The following GPHN variants were observed in gnomAD, a reference collection of about 807,000 sequenced individuals.
GPHN encodes the protein gephyrin.
GPHN carries 17 observed loss-of-function variants against 95.5 expected under a neutral mutation model. The ratio of observed to expected loss-of-function variants is 0.18; its 90% CI spans 0.12 to 0.27. The LOEUF (loss-of-function observed/expected upper bound fraction) is 0.27, where lower values mean the gene tolerates loss of function less well. Ranked by LOEUF, GPHN falls within the 10% of genes least tolerant of loss-of-function variation. The pLI is 1.00. For synonymous variants in GPHN, 320 were observed against 322.5 expected (o/e 0.99, Z 0.08); for missense variants, 660 against 978.1 (o/e 0.67, Z 4.34).
chr14:66,990,601 C>T (rs919329381), intron 9 of GPHN, among the ~76,000 whole-genome samples: 1 of 152,104 alleles, frequency 6.6e-6, no homozygotes, highest in Admixed American at 6.6e-5. Context: ...CATAGGTAAT[C>T]TGGCAACTAA....
At chr14:67,464,224 AG>A in the GPHN span, among the ~76,000 whole-genome samples, 1 of 152,162 alleles carries the variant, frequency 6.6e-6, no homozygotes, top group African/African-American at 2.4e-5. Flanking sequence ...CCATATTTCC[AG>A]TCCCGCTGAC....
chr14:66,739,253 G>A (rs1432994017), intron 2 of GPHN, among the ~76,000 whole-genome samples: 2 of 128,910 alleles, frequency 1.6e-5, no homozygotes, highest in African/African-American at 6.2e-5. Flanking sequence ...GTCTCGCTCT[G>A]TCACCCAGGC....
At chr14:67,258,813 T>C in the GPHN span, among the ~76,000 whole-genome samples, 1 of 152,194 alleles carries the variant, frequency 6.6e-6, no homozygotes. Flanking sequence ...TTAATCATTC[T>C]TTTCTTTTTT....
chr14:67,321,415 C>T, the GPHN span, among the ~76,000 whole-genome samples: 1 of 152,142 alleles, frequency 6.6e-6, no homozygotes, highest in African/African-American at 2.4e-5. Flanking sequence ...ACACAGGTTG[C>T]TAAATCTCTT....
chr14:67,483,643 T>C, the GPHN span, among the ~76,000 whole-genome samples: 1 of 152,162 alleles, frequency 6.6e-6, no homozygotes, highest in African/African-American at 2.4e-5. Flanking sequence ...CACAGGACCA[T>C]GACAGCAACC....
chr14:66,939,976 A>G (rs1434002756), intron 8 of GPHN, among the ~76,000 whole-genome samples: 2 of 152,194 alleles, frequency 1.3e-5, no homozygotes, highest in Non-Finnish European at 2.9e-5. Flanking sequence ...AGGACAGCTC[A>G]AAAATCTCGT....
intron 2 of GPHN, among the ~76,000 whole-genome samples, chr14:66,703,107 G>A (rs1175019824): frequency 6.6e-6 from 1 of 152,052 alleles, no homozygotes; most frequent in Non-Finnish European, 1.5e-5. Context: ...AGAATGAAAA[G>A]GAATGAACAA....
the GPHN span, among the ~76,000 whole-genome samples, chr14:67,638,975 G>A: frequency 1.3e-5 from 2 of 152,248 alleles, no homozygotes; most frequent in African/African-American, 4.8e-5. Flanking sequence ...AGTAAATGGA[G>A]TTGGACAATG....
At chr14:67,425,604 C>T in the GPHN span, among the ~76,000 whole-genome samples, 1 of 152,150 alleles carries the variant, frequency 6.6e-6, no homozygotes, top group Non-Finnish European at 1.5e-5. Flanking sequence ...ACTGTTTCTC[C>T]CGGCAAGACA....
the GPHN span, chr14:67,345,931 C>T: frequency 9.5e-7 from 1 of 1,047,714 alleles, no homozygotes. Context: ...CTATAAAATT[C>T]CCCAAAAGGA....
the GPHN span, among the ~76,000 whole-genome samples, chr14:67,601,721 G>A: frequency 3.3e-5 from 5 of 151,906 alleles, no homozygotes; most frequent in African/African-American, 1.2e-4. Flanking sequence ...GGCCAACATG[G>A]TGAAACCATC....
At chr14:66,591,795 G>T (rs1366092158) in intron 1 of GPHN, among the ~76,000 whole-genome samples, 1 of 152,098 alleles carries the variant, frequency 6.6e-6, no homozygotes, top group Admixed American at 6.5e-5. Context: ...CACAGAATTA[G>T]AAAAAACTAC....
At chr14:67,583,391 AGGATCT>A in the GPHN span, among the ~76,000 whole-genome samples, 1 of 152,192 alleles carries the variant, frequency 6.6e-6, no homozygotes, top group Non-Finnish European at 1.5e-5. Context: ...GCTGTACTCT[AGGATCT>A]GTAGCATCTT....
At chr14:67,199,289 A>C in the GPHN span, 1 of 1,604,976 alleles carries the variant, frequency 6.2e-7, no homozygotes, top group Non-Finnish European at 8.5e-7. Flanking sequence ...CATGAACATG[A>C]TCAGACTCTA....
At chr14:66,971,985 G>A (rs922404957) in intron 9 of GPHN, among the ~76,000 whole-genome samples, 3 of 152,152 alleles carry the variant, frequency 2.0e-5, no homozygotes, top group Non-Finnish European at 2.9e-5. Context: ...GCTAGAAATT[G>A]GGCTGGGCGT....
rs374841235 is a variant in GPHN, at chr14:67,103,145, A to G, written c.1293+2234A>G. 6.6e-4 allele frequency among the ~76,000 whole-genome samples: 101 copies of G among 152,184 alleles called. 3 individuals carry two copies. Among genetic ancestry groups the G allele is most frequent in the African/African-American group, 2.3e-3 (94 of 41,518 alleles). On this transcript the variant is annotated intron_variant, in intron 13 of 22. Transcript: ENST00000478722. ...CCCAGCATGATCTCAGCTCACTGCA[A>G]CCTTCACCCCAGTATGGACTCTGTG...
intron 2 of GPHN, among the ~76,000 whole-genome samples, chr14:66,690,914 C>T (rs1261551543): frequency 6.6e-6 from 1 of 152,176 alleles, no homozygotes; most frequent in Admixed American, 6.5e-5. Flanking sequence ...GGTTCAGTGA[C>T]ATTTGACTGT....
chr14:67,058,849 AACATTAATGC>A, intron 11 of GPHN, 63 bp downstream of exon 11: 1 of 1,304,984 alleles, frequency 7.7e-7, no homozygotes, highest in African/African-American at 1.4e-5. Flanking sequence ...AGATTCATGT[AACATTAATGC>A]ACAGTTTTCC....
At position 66,961,493 on chromosome 14, in the gene GPHN, T is replaced by C. The variant is rs528309044; in HGVS notation, c.829-3698T>C. Among the ~76,000 whole-genome samples, 12 of 151,912 alleles carry C rather than the reference T, an allele frequency of 7.9e-5. No homozygotes were observed. In the East Asian group the frequency reaches 2.3e-3, roughly 29 times the overall value. On this transcript the variant is annotated intron_variant, in intron 8 of 22. Coordinates refer to ENST00000478722, the MANE Select transcript of GPHN (RefSeq NM_020806.5). ...TAAAAGACAAGCTACAGAGTAGGAATAGATATTCACACTAGATACAACTGC... is the reference window on the plus strand; with the variant it reads ...TAAAAGACAAGCTACAGAGTAGGAACAGATATTCACACTAGATACAACTGC...
Sources: gnomAD v4.1 joint callset for allele counts (sites outside exome capture counted in the v4.1 genomes callset) on GRCh38, gnomAD v4.1.1 for gene constraint, MANE v1.5 for transcripts, NCBI Gene and HGNC (gene_info 2026-07-23, HGNC 2026-07-21) for gene names.